EPHA6: variants seen among roughly 807,000 people sequenced by gnomAD.
The protein encoded by EPHA6 is EPH receptor A6, also known as ephrin type-A receptor 6.
Under a neutral mutation model 112.0 loss-of-function variants are expected in EPHA6, and 50 were observed. The ratio of observed to expected loss-of-function variants is 0.45; its 90% confidence interval spans 0.36 to 0.56. The LOEUF (loss-of-function observed/expected upper bound fraction) is 0.56. Ranked by LOEUF, EPHA6 falls within the 20% of genes least tolerant of loss-of-function variation. EPHA6 has a pLI of 0.00. For missense variants in EPHA6, 1,280 were observed against 1,417.4 expected, an observed-to-expected ratio of 0.90 and a Z score of 1.56; for synonymous variants, 529 against 490.7, an observed-to-expected ratio of 1.08 and a Z score of -1.03.
chr3:97,265,581 C>G (rs1045032472), intron 5 of EPHA6, among the ~76,000 whole-genome samples: 1 of 152,178 alleles, frequency 6.6e-6, no homozygotes, highest in African/African-American at 2.4e-5. Flanking sequence ...CAGACACTCC[C>G]GAGCCTGCAG....
At chr3:97,481,944 T>C (rs2091565033) in intron 9 of EPHA6, among the ~76,000 whole-genome samples, 1 of 152,080 alleles carries the variant, frequency 6.6e-6, no homozygotes, top group South Asian at 2.1e-4. Flanking sequence ...TTCCAAGAGG[T>C]AGGTTAGCAT....
chr3:97,448,965 A>G (rs529564333), intron 7 of EPHA6, among the ~76,000 whole-genome samples: 1 of 152,260 alleles, frequency 6.6e-6, no homozygotes, highest in South Asian at 2.1e-4. Flanking sequence ...CCTTTATGCT[A>G]TTACACAGAG....
At chr3:96,915,413 A>G (rs1180828535) in intron 2 of EPHA6, among the ~76,000 whole-genome samples, 1 of 152,118 alleles carries the variant, frequency 6.6e-6, no homozygotes, top group Non-Finnish European at 1.5e-5. Context: ...GTGCACAGGA[A>G]TGATTACAGA....
chr3:96,884,069 T>C (rs1461169049), intron 2 of EPHA6, among the ~76,000 whole-genome samples: 2 of 152,190 alleles, frequency 1.3e-5, no homozygotes, highest in African/African-American at 4.8e-5. Flanking sequence ...TTCTGTTCCA[T>C]TGGTCTATGT....
intron 11 of EPHA6, 151 bp from the exon 12 acceptor site, chr3:97,592,461 A>T (rs2093553853): frequency 3.7e-6 from 3 of 816,580 alleles, no homozygotes; most frequent in Non-Finnish European, 5.6e-6. Context: ...TTATAAATTT[A>T]TGGAGTAAAA....
intron 5 of EPHA6, among the ~76,000 whole-genome samples, chr3:97,271,805 T>G (rs554059175): frequency 1.5e-4 from 23 of 152,360 alleles, no homozygotes; most frequent in South Asian, 8.3e-4. Flanking sequence ...CACTTCCTTT[T>G]TATTTTTTAT....
At position 96,841,406 on chromosome 3, in the gene EPHA6, A is replaced by G. The variant is rs114871913; in HGVS notation, c.386-25419A>G. 2.5e-3 allele frequency among the ~76,000 whole-genome samples: 382 copies of G among 152,150 alleles called. 2 individuals carry two copies. Among genetic ancestry groups the G allele is most frequent in the African/African-American group, 8.7e-3 (360 of 41,542 alleles). The stretch of plus-strand genomic sequence containing the variant: ...GCCCCATGATTAATTTTCCTTTCAC[A>G]GTTTGTATAAGCTTTCCATCTTTCG... On this transcript the variant is annotated intron_variant, in intron 1 of 17. Transcript: ENST00000389672.
intron 10 of EPHA6, among the ~76,000 whole-genome samples, chr3:97,487,455 A>T (rs2091724719): frequency 6.6e-6 from 1 of 152,344 alleles, no homozygotes; most frequent in Admixed American, 6.5e-5. Flanking sequence ...CTTGTAAAAG[A>T]TAATGTGCCA....
chr3:97,488,909 A>T (rs1040853330), intron 10 of EPHA6, among the ~76,000 whole-genome samples: 1 of 152,208 alleles, frequency 6.6e-6, no homozygotes, highest in Non-Finnish European at 1.5e-5. Context: ...AAATCAAATG[A>T]TGTAATAAAA....
intron 6 of EPHA6, among the ~76,000 whole-genome samples, chr3:97,414,500 T>C (rs2087970980): frequency 6.6e-6 from 1 of 152,068 alleles, no homozygotes; most frequent in Admixed American, 6.6e-5. Context: ...ACTTAAACTA[T>C]TACAACGAAA....
intron 1 of EPHA6, among the ~76,000 whole-genome samples, chr3:96,830,852 T>C (rs920996836): frequency 2.6e-5 from 4 of 152,030 alleles, no homozygotes; most frequent in Non-Finnish European, 5.9e-5. Flanking sequence ...AGATCTGCTG[T>C]ACAGCATGGT....
chr3:97,521,558 A>G (rs971217489), intron 10 of EPHA6, among the ~76,000 whole-genome samples: 4 of 152,212 alleles, frequency 2.6e-5, no homozygotes, highest in African/African-American at 9.6e-5. Context: ...TCATGAGAAC[A>G]TGAGAACTTA....
chr3:97,345,973 C>T (rs1029050833), intron 5 of EPHA6, among the ~76,000 whole-genome samples: 1 of 152,016 alleles, frequency 6.6e-6, no homozygotes, highest in African/African-American at 2.4e-5. Flanking sequence ...AAAAAATTGT[C>T]ACAAAAATTT....
chr3:97,370,375 G>C (rs1001853257), intron 5 of EPHA6, among the ~76,000 whole-genome samples: 1 of 152,092 alleles, frequency 6.6e-6, no homozygotes, highest in Non-Finnish European at 1.5e-5. Context: ...AAAAATTCTT[G>C]TATAACATGG....
At chr3:97,664,403 A>C (rs2094191489) in intron 14 of EPHA6, among the ~76,000 whole-genome samples, 1 of 152,162 alleles carries the variant, frequency 6.6e-6, no homozygotes, top group Non-Finnish European at 1.5e-5. Context: ...CCCTTTGAAA[A>C]CTGGTACAAG....
At chr3:97,680,810 C>T (rs1387206544) in intron 14 of EPHA6, among the ~76,000 whole-genome samples, 1 of 152,118 alleles carries the variant, frequency 6.6e-6, no homozygotes, top group Non-Finnish European at 1.5e-5. Flanking sequence ...ATTTAGCACA[C>T]AAGGTGTTTA....
chr3:97,270,492 G>A (rs2079842429), intron 5 of EPHA6, among the ~76,000 whole-genome samples: 1 of 152,202 alleles, frequency 6.6e-6, no homozygotes, highest in African/African-American at 2.4e-5. Context: ...TATTGCATTT[G>A]TAATTTTTTT....
At chr3:97,160,705 A>G (rs1331368582) in intron 3 of EPHA6, among the ~76,000 whole-genome samples, 1 of 152,134 alleles carries the variant, frequency 6.6e-6, no homozygotes, top group East Asian at 1.9e-4. Flanking sequence ...CATTGGCTGT[A>G]GCCCATGCAT....
intron 2 of EPHA6, among the ~76,000 whole-genome samples, chr3:96,955,616 T>G (rs375499737): frequency 1.3e-5 from 2 of 152,180 alleles, no homozygotes; most frequent in African/African-American, 2.4e-5. Flanking sequence ...AAAGATACTG[T>G]GCTGATGCAT....
Sources: gnomAD v4.1 joint callset for allele counts (sites outside exome capture counted in the v4.1 genomes callset) on GRCh38, gnomAD v4.1.1 for gene constraint, MANE v1.5 for transcripts, NCBI Gene and HGNC (gene_info 2026-07-23, HGNC 2026-07-21) for gene names.